Variants in MAPK10 observed in about 807,000 individuals in gnomAD.
MAPK10 encodes JNK3 alpha protein kinase.
In MAPK10, 25 loss-of-function variants were observed where a neutral mutation model predicts 59.3. That is an observed-to-expected ratio of 0.42 (90% CI 0.31 to 0.59). The LOEUF (loss-of-function observed/expected upper bound fraction) is 0.59, where lower values mean the gene tolerates loss of function less well. Among genes scored for constraint, MAPK10 ranks in the 20% least tolerant of loss-of-function variants. MAPK10 has a pLI of 0.15. For missense variants in MAPK10, 351 were observed against 568.9 expected (o/e 0.62, Z 3.90); for synonymous variants, 190 against 200.5 (o/e 0.95, Z 0.44).
chr4:86,571,327 C>CGTGTGTGTGTGTGT (rs34133535), intron 1 of MAPK10, among the ~76,000 whole-genome samples: 8 of 139,646 alleles, frequency 5.7e-5, no homozygotes, highest in South Asian at 2.4e-4. Context: ...TATATATATA[C>CGTGTGTGTGTGTGT]GTGTGTGTGT....
At chr4:86,115,522 C>T (rs1408067435) in intron 4 of MAPK10, among the ~76,000 whole-genome samples, 4 of 152,230 alleles carry the variant, frequency 2.6e-5, no homozygotes, top group Middle Eastern at 6.8e-3. Context: ...AGTCCAATGG[C>T]ACGATCTTGG....
intron 1 of MAPK10, among the ~76,000 whole-genome samples, chr4:86,430,653 G>C (rs1372619052): frequency 6.6e-6 from 1 of 152,160 alleles, no homozygotes; most frequent in Non-Finnish European, 1.5e-5. Context: ...CGCCATTTAA[G>C]CTAAGACCTA....
intron 1 of MAPK10, among the ~76,000 whole-genome samples, chr4:86,531,775 T>G (rs544255102): frequency 6.6e-6 from 1 of 152,180 alleles, no homozygotes; most frequent in South Asian, 2.1e-4. Context: ...GAGAGCTGAA[T>G]GGCAAGAGAA....
intron 4 of MAPK10, among the ~76,000 whole-genome samples, chr4:86,129,680 C>T (rs1562070761): frequency 6.6e-6 from 1 of 152,048 alleles, no homozygotes; most frequent in African/African-American, 2.4e-5. Context: ...TACCTTTTTC[C>T]TGTTGGTTGG....
intron 3 of MAPK10, among the ~76,000 whole-genome samples, chr4:86,178,691 G>A (rs1346444361): frequency 6.6e-6 from 1 of 152,068 alleles, no homozygotes; most frequent in Admixed American, 6.6e-5. Context: ...AAAGCAATTA[G>A]ACATTAGAAA....
chr4:86,224,213 C>T (rs1317712529), intron 2 of MAPK10, among the ~76,000 whole-genome samples: 1 of 152,074 alleles, frequency 6.6e-6, no homozygotes, highest in African/African-American at 2.4e-5. Flanking sequence ...CTGCTAGACA[C>T]TAAGAATACA....
At chr4:86,232,562 A>G (rs1214872243) in intron 2 of MAPK10, among the ~76,000 whole-genome samples, 1 of 152,020 alleles carries the variant, frequency 6.6e-6, no homozygotes, top group Non-Finnish European at 1.5e-5. Context: ...TTTAGTAGAG[A>G]CAGGGTTTCA....
chr4:86,359,953 G>T lies in MAPK10; in HGVS notation c.-417C>A, dbSNP rs1303774049. 2 of 985,690 alleles carry T rather than the reference G, an allele frequency of 2.0e-6. No individual in the cohort carries two copies. The highest frequency in any genetic ancestry group is 2.4e-6 in the Non-Finnish European group (2 of 829,956). The allele number at this position is 985,690 out of a possible 1,614,324, so 61.1% of individuals were successfully genotyped here. Reference sequence around the variant, plus strand: ...ACCCACCCCCATAAAAATAAAAAGTGAAGGGGAGGTTAAAGAAAATAGAAG... The same window carrying T: ...ACCCACCCCCATAAAAATAAAAAGTTAAGGGGAGGTTAAAGAAAATAGAAG... On this transcript the variant is annotated 5_prime_UTR_variant, in exon 1 of 14. Transcript: ENST00000641462.
chr4:86,051,511 G>A (rs1156621890), intron 11 of MAPK10, among the ~76,000 whole-genome samples: 1 of 152,138 alleles, frequency 6.6e-6, no homozygotes, highest in Non-Finnish European at 1.5e-5. Context: ...TCTATGTAGA[G>A]TTGTGATGAC....
At chr4:86,261,497 C>A (rs1474244608) in intron 2 of MAPK10, among the ~76,000 whole-genome samples, 2 of 152,140 alleles carry the variant, frequency 1.3e-5, no homozygotes, top group Non-Finnish European at 2.9e-5. Flanking sequence ...AAAATATTTT[C>A]CCTTTCTCCC....
chr4:86,231,531 C>T (rs1231332634), intron 2 of MAPK10, among the ~76,000 whole-genome samples: 3 of 151,720 alleles, frequency 2.0e-5, no homozygotes, highest in Non-Finnish European at 4.4e-5. Flanking sequence ...GGCATGGTGG[C>T]GGGCACCTGT....
intron 2 of MAPK10, among the ~76,000 whole-genome samples, chr4:86,225,691 CTT>C (rs745759521): frequency 3.3e-5 from 5 of 152,166 alleles, no homozygotes; most frequent in Non-Finnish European, 7.3e-5. Context: ...GAATATATCA[CTT>C]ATTGCTATTT....
intron 2 of MAPK10, among the ~76,000 whole-genome samples, chr4:86,298,682 A>C (rs1452369844): frequency 2.0e-5 from 3 of 152,234 alleles, no homozygotes; most frequent in Admixed American, 2.0e-4. Context: ...TTAGTGTGTG[A>C]TCAGAATTAA....
chr4:86,398,761 T>C (rs1743303518), intron 1 of MAPK10, among the ~76,000 whole-genome samples: 1 of 152,120 alleles, frequency 6.6e-6, no homozygotes, highest in Non-Finnish European at 1.5e-5. Flanking sequence ...CGTCCCTCTC[T>C]TCCTCCCTGA....
chr4:86,291,339 T>G (rs999350182), intron 2 of MAPK10, among the ~76,000 whole-genome samples: 7 of 152,194 alleles, frequency 4.6e-5, no homozygotes, highest in African/African-American at 1.7e-4. Context: ...GAGCAGCTGT[T>G]GAAATCTTTT....
intron 9 of MAPK10, 99 bp from the exon 10 acceptor site, chr4:86,068,054 G>C: frequency 1.6e-6 from 1 of 623,506 alleles, no homozygotes; most frequent in Non-Finnish European, 2.6e-6. Context: ...AGTCATTAAT[G>C]CAACTGTAGT....
intron 1 of MAPK10, among the ~76,000 whole-genome samples, chr4:86,427,419 A>C (rs1325824392): frequency 6.6e-6 from 1 of 152,122 alleles, no homozygotes; most frequent in Non-Finnish European, 1.5e-5. Flanking sequence ...TGACTACCAT[A>C]GTTTCCCCAT....
At chr4:86,416,323 T>C (rs1361098817) in intron 1 of MAPK10, among the ~76,000 whole-genome samples, 3 of 152,244 alleles carry the variant, frequency 2.0e-5, no homozygotes, top group Non-Finnish European at 1.5e-5. Flanking sequence ...AATACATTTC[T>C]GTTGTATAAG....
chr4:86,291,496 T>C (rs572303651), intron 2 of MAPK10, among the ~76,000 whole-genome samples: 11 of 152,298 alleles, frequency 7.2e-5, no homozygotes, highest in African/African-American at 2.4e-4. Flanking sequence ...ACAGAAAAAG[T>C]ACAAGGTTTT....
Sources: allele counts gnomAD v4.1 joint callset (sites outside exome capture counted in the v4.1 genomes callset), GRCh38; gene constraint gnomAD v4.1.1; transcripts MANE v1.5; gene names NCBI Gene and HGNC (gene_info 2026-07-23, HGNC 2026-07-21).